The following INPP4B variants were observed in gnomAD, a reference collection of about 807,000 sequenced individuals.
INPP4B encodes the protein inositol polyphosphate-4-phosphatase type II B, also known as inositol polyphosphate 4-phosphatase type II.
INPP4B carries 55 observed loss-of-function variants against 122.5 expected under a neutral mutation model. The ratio of observed to expected loss-of-function variants is 0.45; its 90% CI spans 0.36 to 0.56. The LOEUF (loss-of-function observed/expected upper bound fraction) is 0.56, where lower values mean the gene tolerates loss of function less well. Ranked by LOEUF, INPP4B falls within the 20% of genes least tolerant of loss-of-function variation. INPP4B has a pLI of 0.00. For missense variants in INPP4B, 1,000 were observed against 1,097.7 expected, an observed-to-expected ratio of 0.91 and a Z score of 1.26; for synonymous variants, 403 against 388.7, an observed-to-expected ratio of 1.04 and a Z score of -0.43.
chr4:142,350,364 A>G (rs572476723), intron 7 of INPP4B, among the ~76,000 whole-genome samples: 16 of 151,986 alleles, frequency 1.1e-4, no homozygotes, highest in Non-Finnish European at 2.4e-4. Flanking sequence ...TGTATAATGC[A>G]TAATATTCAA....
intron 1 of INPP4B, among the ~76,000 whole-genome samples, chr4:142,763,289 T>G (rs1419980475): frequency 6.6e-6 from 1 of 152,310 alleles, no homozygotes; most frequent in Non-Finnish European, 1.5e-5. Flanking sequence ...TGCTAACTTG[T>G]TAACACTAAC....
chr4:142,277,287 T>C (rs967804282), intron 9 of INPP4B, among the ~76,000 whole-genome samples: 1 of 88,740 alleles, frequency 1.1e-5, no homozygotes, highest in Non-Finnish European at 2.8e-5. Flanking sequence ...CTATGGGTTG[T>C]CTATTTACTC....
intron 1 of INPP4B, among the ~76,000 whole-genome samples, chr4:142,757,703 G>A (rs1303070328): frequency 6.7e-6 from 1 of 149,492 alleles, no homozygotes; most frequent in Non-Finnish European, 1.5e-5. Flanking sequence ...CACCTTGGTT[G>A]CTTCCAAATT....
At chr4:142,109,023 A>G (rs1470294138) in intron 22 of INPP4B, among the ~76,000 whole-genome samples, 1 of 152,134 alleles carries the variant, frequency 6.6e-6, no homozygotes, top group Non-Finnish European at 1.5e-5. Flanking sequence ...ATTGCTAAGC[A>G]TGTCCCCAAT....
intron 12 of INPP4B, among the ~76,000 whole-genome samples, chr4:142,215,633 A>G (rs1846787689): frequency 6.6e-6 from 1 of 151,896 alleles, no homozygotes. Flanking sequence ...TCATTGATAT[A>G]AGAAGCAACC....
At chr4:142,389,547 G>T (rs1256093103) in intron 7 of INPP4B, among the ~76,000 whole-genome samples, 1 of 152,162 alleles carries the variant, frequency 6.6e-6, no homozygotes, top group Non-Finnish European at 1.5e-5. Flanking sequence ...TATTAGGTTT[G>T]TTGAATGCTT....
At chr4:142,213,491 T>A (rs1435309568) in intron 12 of INPP4B, among the ~76,000 whole-genome samples, 2 of 152,122 alleles carry the variant, frequency 1.3e-5, no homozygotes, top group Non-Finnish European at 2.9e-5. Context: ...GCACAAACCC[T>A]GGAGTAACTG....
intron 25 of INPP4B, among the ~76,000 whole-genome samples, chr4:142,077,524 G>A (rs964748678): frequency 2.6e-5 from 4 of 151,444 alleles, no homozygotes; most frequent in Non-Finnish European, 4.4e-5. Context: ...TATTTTTAAG[G>A]TCCAATCCTA....
intron 7 of INPP4B, among the ~76,000 whole-genome samples, chr4:142,398,347 C>T (rs536669016): frequency 7.9e-6 from 1 of 126,100 alleles, no homozygotes; most frequent in South Asian, 2.5e-4. Flanking sequence ...CACTGCACTC[C>T]AGCCTGGGTA....
chr4:142,092,885 G>C lies in INPP4B; in HGVS notation c.2375-6629C>G, dbSNP rs948065785. On this transcript the variant is annotated intron_variant, in intron 23 of 25. Coordinates refer to ENST00000262992, the MANE Select transcript of INPP4B (RefSeq NM_001101669.3). ...AAATCTATCACACCTGCAGTGATGG[G>C]TTTAAAACATAGTTCTACATTCTTC... Among the ~76,000 whole-genome samples, 36 of 152,306 alleles carry C rather than the reference G, an allele frequency of 2.4e-4. 1 individual carries two copies. Among genetic ancestry groups the C allele is most frequent in the African/African-American group, 7.2e-4 (30 of 41,564 alleles).
At chr4:142,776,812 A>G (rs986114985) in intron 1 of INPP4B, among the ~76,000 whole-genome samples, 2 of 152,146 alleles carry the variant, frequency 1.3e-5, no homozygotes, top group African/African-American at 4.8e-5. Context: ...ATCCCAGTGT[A>G]GAGTATAAAA....
At chr4:142,238,507 T>G (rs1857638445) in intron 11 of INPP4B, among the ~76,000 whole-genome samples, 2 of 152,156 alleles carry the variant, frequency 1.3e-5, no homozygotes, top group Admixed American at 1.3e-4. Flanking sequence ...AACTGATATG[T>G]TATTTTAGGA....
intron 2 of INPP4B, among the ~76,000 whole-genome samples, chr4:142,588,850 A>G (rs1256085117): frequency 6.6e-6 from 1 of 151,874 alleles, no homozygotes; most frequent in Non-Finnish European, 1.5e-5. Context: ...CCGATTGTAA[A>G]TTTTTTATGG....
At chr4:142,050,615 A>G (rs894802404) in intron 25 of INPP4B, among the ~76,000 whole-genome samples, 2 of 152,032 alleles carry the variant, frequency 1.3e-5, no homozygotes, top group Admixed American at 6.6e-5. Flanking sequence ...CTAGGTCTGA[A>G]TCGGGCTTAT....
intron 2 of INPP4B, among the ~76,000 whole-genome samples, chr4:142,650,184 C>G (rs1752639636): frequency 6.6e-6 from 1 of 152,168 alleles, no homozygotes; most frequent in Non-Finnish European, 1.5e-5. Context: ...TCTGTCACCA[C>G]CAGGCCTGCC....
rs969800790 is a variant in INPP4B at position 142,270,826 on chromosome 4, A to C, written c.504-52T>G. ...AAGGTAAGAAGCTTCTCTCTCCCCC[A>C]AAAATATCCAAAACACATTTGTTTC... On this transcript the variant is annotated intron_variant, in intron 9 of 25. Transcript: ENST00000262992. 9 of 1,138,488 alleles carry C rather than the reference A, an allele frequency of 7.9e-6. 1 individual carries two copies. Among genetic ancestry groups the C allele is most frequent in the South Asian group, 3.7e-5 (3 of 80,414 alleles). 70.5% of individuals were successfully genotyped at this position (1,138,488 alleles called of 1,614,324 possible). A position where few individuals can be genotyped will look rare whatever the true frequency, so the allele number is the denominator to read the frequency against.
chr4:142,073,958 T>C lies in INPP4B; in HGVS notation c.2642+8073A>G, dbSNP rs533525855. Among the ~76,000 whole-genome samples the C allele has an allele frequency of 2.4e-4, 36 of 152,152 alleles. No homozygotes were observed. The South Asian group carries it at 3.1e-3, about 13-fold the overall frequency. On this transcript the variant is annotated intron_variant, in intron 25 of 25. Coordinates refer to ENST00000262992, the MANE Select transcript of INPP4B (RefSeq NM_001101669.3). Reference sequence around the variant, plus strand: ...CAACTGTAGGTTTTTGTTTCTCAGCTGGAAGTGTCTTTCTCTTATCTAAAA... The same window carrying C: ...CAACTGTAGGTTTTTGTTTCTCAGCCGGAAGTGTCTTTCTCTTATCTAAAA...
chr4:142,597,824 A>T (rs912671857), intron 2 of INPP4B, among the ~76,000 whole-genome samples: 9 of 152,230 alleles, frequency 5.9e-5, no homozygotes, highest in Non-Finnish European at 1.0e-4. Flanking sequence ...CTGGGAGCTA[A>T]TTCCCTTTTA....
At chr4:142,199,724 C>T (rs1053374678) in intron 14 of INPP4B, among the ~76,000 whole-genome samples, 5 of 151,934 alleles carry the variant, frequency 3.3e-5, no homozygotes, top group African/African-American at 1.2e-4. Flanking sequence ...TGTTCCTCAG[C>T]TTGGGTTTCT....
Sources: allele counts gnomAD v4.1 joint callset (sites outside exome capture counted in the v4.1 genomes callset), GRCh38; gene constraint gnomAD v4.1.1; transcripts MANE v1.5; gene names NCBI Gene and HGNC (gene_info 2026-07-23, HGNC 2026-07-21).